The following NRXN1 variants were observed in gnomAD, a reference collection of about 807,000 sequenced individuals.
NRXN1 encodes the protein neurexin 1, also known as neurexin-1.
In NRXN1, 39 loss-of-function variants were observed where a neutral mutation model predicts 150.9. That is an observed-to-expected ratio of 0.26 (90% CI 0.20 to 0.34). The LOEUF is 0.34. Ranked by LOEUF, NRXN1 falls within the 10% of genes least tolerant of loss-of-function variation. The probability of loss-of-function intolerance (pLI) is 1.00; values close to 1 mark genes in which losing one functional copy is unlikely to be tolerated. For missense variants in NRXN1, 1,815 were observed against 1,949.9 expected (o/e 0.93, Z 1.30); for synonymous variants, 924 against 757.0 (o/e 1.22, Z -3.62).
At chr2:50,821,739 G>GA (rs1369077111) in intron 5 of NRXN1, among the ~76,000 whole-genome samples, 5 of 151,984 alleles carry the variant, frequency 3.3e-5, no homozygotes, top group African/African-American at 7.2e-5. Flanking sequence ...TTGCACACGT[G>GA]AAAAAAGAAT....
intron 17 of NRXN1, among the ~76,000 whole-genome samples, chr2:50,308,666 T>G (rs1386794199): frequency 1.3e-5 from 2 of 152,200 alleles, no homozygotes; most frequent in African/African-American, 4.8e-5. Context: ...GTATTAAACA[T>G]TTTTAGATTC....
chr2:51,010,707 C>T (rs940986209), intron 2 of NRXN1, among the ~76,000 whole-genome samples: 1 of 151,940 alleles, frequency 6.6e-6, no homozygotes, highest in Non-Finnish European at 1.5e-5. Context: ...TATAATAATA[C>T]ACACTCCATC....
intron 13 of NRXN1, among the ~76,000 whole-genome samples, chr2:50,502,757 T>C (rs141435690): frequency 6.6e-6 from 1 of 152,304 alleles, no homozygotes; most frequent in East Asian, 1.9e-4. Flanking sequence ...TGTATGTTTA[T>C]ATGTACATAT....
intron 5 of NRXN1, among the ~76,000 whole-genome samples, chr2:50,731,522 T>C (rs1392093404): frequency 2.0e-5 from 3 of 152,142 alleles, no homozygotes; most frequent in Admixed American, 1.3e-4. Flanking sequence ...AGTTACCTTA[T>C]TGAGACCTTG....
intron 19 of NRXN1, among the ~76,000 whole-genome samples, chr2:50,071,600 G>A (rs1269410917): frequency 6.6e-6 from 1 of 152,168 alleles, no homozygotes; most frequent in Admixed American, 6.5e-5. Flanking sequence ...CAAACCTGCT[G>A]ACTACTTGAT....
chr2:50,815,284 A>T (rs1430069142), intron 5 of NRXN1, among the ~76,000 whole-genome samples: 1 of 152,282 alleles, frequency 6.6e-6, no homozygotes, highest in Admixed American at 6.5e-5. Context: ...GTGACAAGGG[A>T]CGCAGTGGTA....
At chr2:50,024,447 AT>A (rs1187185467) in intron 21 of NRXN1, among the ~76,000 whole-genome samples, 4 of 152,164 alleles carry the variant, frequency 2.6e-5, no homozygotes, top group African/African-American at 9.7e-5. Flanking sequence ...TATGAGAAAC[AT>A]TACAATATAT....
At chr2:50,083,750 G>C (rs76012448) in intron 19 of NRXN1, among the ~76,000 whole-genome samples, 1 of 152,108 alleles carries the variant, frequency 6.6e-6, no homozygotes, top group Non-Finnish European at 1.5e-5. Context: ...TGATTGGTAC[G>C]TTTACAATCC....
At chr2:50,929,510 T>C (rs1046284461) in intron 2 of NRXN1, among the ~76,000 whole-genome samples, 1 of 152,038 alleles carries the variant, frequency 6.6e-6, no homozygotes, top group Admixed American at 6.6e-5. Flanking sequence ...GCTAGATGCC[T>C]GTGACTGGCT....
chr2:49,960,446 T>C (rs774359358), intron 21 of NRXN1, among the ~76,000 whole-genome samples: 9 of 152,194 alleles, frequency 5.9e-5, no homozygotes, highest in Non-Finnish European at 1.3e-4. Context: ...CTAATCATTT[T>C]CACCATTGTT....
intron 8 of NRXN1, among the ~76,000 whole-genome samples, chr2:50,567,065 GT>G (rs1669988191): frequency 1.3e-5 from 2 of 152,108 alleles, no homozygotes; most frequent in South Asian, 4.2e-4. Context: ...CAGGATAATT[GT>G]TTTTCTCCTT....
chr2:50,208,608 C>G (rs73930315), intron 18 of NRXN1, among the ~76,000 whole-genome samples: 2,954 of 152,138 alleles, frequency 0.019, 103 homozygotes, highest in African/African-American at 0.068. Context: ...TGGCTCCTGT[C>G]CATGAGCCTG....
chr2:50,372,446 C>T (rs1465545742), intron 17 of NRXN1, among the ~76,000 whole-genome samples: 1 of 152,006 alleles, frequency 6.6e-6, no homozygotes, highest in Non-Finnish European at 1.5e-5. Flanking sequence ...ACATTTCAAA[C>T]TTTAATAGTC....
At position 50,649,299 on chromosome 2, in the gene NRXN1, G is replaced by T. The variant is rs181976388; in HGVS notation, c.833-25684C>A. On this transcript the variant is annotated intron_variant, in intron 5 of 22. Transcript: ENST00000401669. Reference sequence around the variant, plus strand: ...ACACACACACACACACACACACAAAGAAATCACAAGTATTTACTGAATACG... The same window carrying T: ...ACACACACACACACACACACACAAATAAATCACAAGTATTTACTGAATACG... Among the ~76,000 whole-genome samples the T allele has an allele frequency of 1.5e-3, 181 of 118,012 alleles. 1 individual carries two copies. The highest frequency in any genetic ancestry group is 5.8e-3 in the African/African-American group (166 of 28,828). The allele number at this position is 118,012 out of a possible 152,430, so 77.4% of individuals were successfully genotyped here. A position where few individuals can be genotyped will look rare whatever the true frequency, so the allele number is the denominator to read the frequency against.
chr2:50,131,424 A>T (rs1372332070), intron 18 of NRXN1, among the ~76,000 whole-genome samples: 3 of 152,106 alleles, frequency 2.0e-5, no homozygotes, highest in African/African-American at 7.2e-5. Context: ...AGTCTTGTAA[A>T]CCCTAACAAG....
At chr2:50,290,171 G>T (rs781728828) in intron 17 of NRXN1, among the ~76,000 whole-genome samples, 9 of 152,098 alleles carry the variant, frequency 5.9e-5, no homozygotes, top group Non-Finnish European at 1.0e-4. Flanking sequence ...AAATCAACAG[G>T]TGAAGCTCAT....
intron 19 of NRXN1, among the ~76,000 whole-genome samples, chr2:50,059,895 A>G (rs886136766): frequency 1.3e-5 from 2 of 152,192 alleles, no homozygotes; most frequent in Non-Finnish European, 2.9e-5. Flanking sequence ...AAAACACCTG[A>G]ATGTCCAGGC....
chr2:50,547,172 G>A (rs1002659500), intron 9 of NRXN1, among the ~76,000 whole-genome samples: 3 of 152,052 alleles, frequency 2.0e-5, no homozygotes, highest in African/African-American at 7.2e-5. Context: ...TGGCTTCTTA[G>A]CTGTTAAATG....
intron 9 of NRXN1, among the ~76,000 whole-genome samples, chr2:50,546,854 T>G (rs1465322762): frequency 6.6e-6 from 1 of 152,154 alleles, no homozygotes; most frequent in Non-Finnish European, 1.5e-5. Context: ...TAAAATTACT[T>G]CAATGTATAT....
Sources: allele counts gnomAD v4.1 joint callset (sites outside exome capture counted in the v4.1 genomes callset), GRCh38; gene constraint gnomAD v4.1.1; transcripts MANE v1.5; gene names NCBI Gene and HGNC (gene_info 2026-07-23, HGNC 2026-07-21).